Variants in MGA observed in about 807,000 individuals in gnomAD.
The protein encoded by MGA is MAX gene-associated protein.
Under a neutral mutation model 261.1 loss-of-function variants are expected in MGA, and 40 were observed. The observed-to-expected ratio is 0.15, with a 90% CI of 0.12 to 0.20. MGA has a LOEUF of 0.20. Ranked by LOEUF, MGA falls within the 10% of genes least tolerant of loss-of-function variation. The pLI is 1.00. For synonymous variants in MGA, 1,302 were observed against 1,290.6 expected (o/e 1.01, Z -0.19); for missense variants, 3,397 against 3,630.5 (o/e 0.94, Z 1.65).
intron 2 of MGA, among the ~76,000 whole-genome samples, chr15:41,678,230 A>T (rs755025408): frequency 6.6e-6 from 1 of 151,264 alleles, no homozygotes; most frequent in Non-Finnish European, 1.5e-5. Context: ...AGCTGGGATT[A>T]CAGGCGCTGG....
chr15:41,749,531 C>A lies in MGA; in HGVS notation c.5924C>A (p.Pro1975Gln), dbSNP rs1371559603. 6.2e-7 allele frequency: 1 copy of A among 1,613,870 alleles called. No homozygotes were observed. Among genetic ancestry groups the A allele is most frequent in the Non-Finnish European group, 8.5e-7 (1 of 1,179,880 alleles). The change falls in exon 17 of 24, where the codon CCA (proline) becomes CAA (glutamine). Residue 1975 changes from proline to glutamine, a missense_variant. Pro to Gln is a moderately conservative substitution (Grantham distance 76). Transcript: ENST00000219905. ...CAGATGAAGAGAGAATCTCAGAATC[C>A]AGACCAGAAAGATGAAACAAACTCA...
intron 5 of MGA, among the ~76,000 whole-genome samples, chr15:41,704,005 G>T (rs1036044564): frequency 6.6e-6 from 1 of 152,018 alleles, no homozygotes; most frequent in African/African-American, 2.4e-5. Flanking sequence ...TAGAGATGGG[G>T]TTTTGCCATG....
At chr15:41,746,469 C>T (rs1439143229) in intron 15 of MGA, among the ~76,000 whole-genome samples, 1 of 142,852 alleles carries the variant, frequency 7.0e-6, no homozygotes, top group Admixed American at 7.3e-5. Context: ...CGCTTGAACC[C>T]GGGAGGCGGA....
rs764400303 is a variant in MGA at position 41,766,685 on chromosome 15, C to T, written c.8603C>T (p.Pro2868Leu). Residue 2868 changes from proline to leucine, a missense_variant, in exon 24 of 24, where the codon CCT becomes CTT. By Grantham distance (98) the Pro-to-Leu change is moderately conservative. This residue lies in a region of MGA where 647 missense variants were observed against 642.4 expected (regional missense o/e 1.01). Transcript: ENST00000219905. ...CGGCGGGCTTTTATTAGTAAGGTTCCTCCTGGAAGCAGAGCAACTTTCCAG... is the reference window on the plus strand; with the variant it reads ...CGGCGGGCTTTTATTAGTAAGGTTCTTCCTGGAAGCAGAGCAACTTTCCAG... The T allele has an allele frequency of 3.1e-6, 5 of 1,614,004 alleles. No homozygotes were observed. The highest frequency in any genetic ancestry group is 4.2e-6 in the Non-Finnish European group (5 of 1,179,900).
intron 1 of MGA, among the ~76,000 whole-genome samples, chr15:41,664,219 T>C (rs963522017): frequency 3.3e-5 from 5 of 152,226 alleles, no homozygotes; most frequent in African/African-American, 1.2e-4. Context: ...TATATGCCTG[T>C]GCACAAAGTT....
rs1328915139 is a variant in MGA, at chr15:41,762,467, T to TG, written c.7744+105_7744+106insG. ...ACATTTTTAGTTTTGTGTGGTTTTT[T>TG]TTTTTTTTTTTTTTTTTTTTTTTTG... On this transcript the variant is annotated intron_variant, in intron 22 of 23. Transcript: ENST00000219905. The TG allele has an allele frequency of 2.0e-5, 10 of 510,486 alleles. No individual in the cohort carries two copies. The East Asian group carries it at 3.6e-4, about 19-fold the overall frequency. 31.6% of individuals were successfully genotyped at this position (510,486 alleles called of 1,614,324 possible).
chr15:41,639,605 C>T (rs957161736), intron 1 of MGA, among the ~76,000 whole-genome samples: 3 of 151,448 alleles, frequency 2.0e-5, no homozygotes, highest in African/African-American at 7.3e-5. Flanking sequence ...AGTGCAGTGG[C>T]GCAATCTCGG....
rs148663034 is a variant in MGA, at chr15:41,738,484, C to T, written c.4435-1569C>T. 1.2e-3 allele frequency among the ~76,000 whole-genome samples: 176 copies of T among 152,304 alleles called. 1 individual carries two copies. Among genetic ancestry groups the T allele is most frequent in the Non-Finnish European group, 1.3e-3 (86 of 68,018 alleles). The stretch of plus-strand genomic sequence containing the variant: ...TGTTGTGCATGCTATGTAAATGCTT[C>T]TGTTGATATTTCTTATACTCTTGAT... On this transcript the variant is annotated intron_variant, in intron 13 of 23. Transcript: ENST00000219905.
intron 2 of MGA, among the ~76,000 whole-genome samples, chr15:41,690,094 T>C (rs2151209010): frequency 6.6e-6 from 1 of 152,286 alleles, no homozygotes; most frequent in Admixed American, 6.5e-5. Flanking sequence ...CCATTTTCCC[T>C]CAACCACTCC....
At position 41,667,087 on chromosome 15, in the gene MGA, T is replaced by TA. The variant is rs534555502; in HGVS notation, c.-67-1734dup. The stretch of plus-strand genomic sequence containing the variant: ...CTTTGATTTTTGCCAGTCTGATAAG[T>TA]AAAAAAACAGTATCTCAAGATGACT... On this transcript the variant is annotated intron_variant, in intron 1 of 23. Transcript: ENST00000219905. 3.9e-5 allele frequency among the ~76,000 whole-genome samples: 6 copies of TA among 152,142 alleles called. No individual in the cohort carries two copies. The South Asian group carries it at 1.2e-3, about 31-fold the overall frequency.
chr15:41,762,771 CA>C (rs1463002777), intron 22 of MGA, among the ~76,000 whole-genome samples: 1 of 151,834 alleles, frequency 6.6e-6, no homozygotes, highest in Non-Finnish European at 1.5e-5. Context: ...ACCCAGCCCA[CA>C]GTTTTAGTTT....
At chr15:41,673,643 A>G (rs900468969) in intron 2 of MGA, among the ~76,000 whole-genome samples, 4 of 147,690 alleles carry the variant, frequency 2.7e-5, no homozygotes, top group Non-Finnish European at 4.5e-5. Context: ...CCTGGGTTCA[A>G]GTGATTCTCC....
chr15:41,657,428 A>C (rs1312091215), upstream of MGA, among the ~76,000 whole-genome samples: 1 of 138,934 alleles, frequency 7.2e-6, no homozygotes, highest in African/African-American at 2.8e-5. Context: ...ATCTCGGCTC[A>C]CTGCAACCTC....
rs376167385 is a variant in MGA at position 41,696,080 on chromosome 15, T to C, written c.1070T>C (p.Ile357Thr). ...TTTCTCCTCTCTCTCTCCAGTCTTA[T>C]TGCCAGCAGTTTTGAAGATGACTCC... The change falls in exon 3 of 24, where the codon ATT becomes ACT. Residue 357 changes from isoleucine (I) to threonine (T), a missense_variant. Physicochemically the swap from Ile to Thr is moderately conservative, Grantham distance 89 (BLOSUM62 -1). Coordinates refer to ENST00000219905, the MANE Select transcript of MGA (RefSeq NM_001164273.2). The C allele has an allele frequency of 1.7e-5, 28 of 1,605,620 alleles. No homozygotes were observed. Among genetic ancestry groups the C allele is most frequent in the Non-Finnish European group, 2.3e-5 (27 of 1,175,068 alleles).
chr15:41,684,263 T>C, intron 2 of MGA: 2 of 293,694 alleles, frequency 6.8e-6, no homozygotes, highest in South Asian at 3.0e-5. Context: ...AAAACTTTCT[T>C]AATGTGTCTT....
At chr15:41,689,646 A>C (rs955073586) in intron 2 of MGA, among the ~76,000 whole-genome samples, 4 of 150,494 alleles carry the variant, frequency 2.7e-5, no homozygotes, top group African/African-American at 9.8e-5. Context: ...GCTCACTGCA[A>C]CCTCTGCCTA....
In MGA at chr15:41,749,813, A is replaced by G; in HGVS notation, c.6206A>G (p.Tyr2069Cys). 1 of 1,613,992 alleles carries G rather than the reference A, an allele frequency of 6.2e-7. No individual in the cohort carries two copies. The highest frequency in any genetic ancestry group is 8.5e-7 in the Non-Finnish European group (1 of 1,179,892). The change falls in exon 17 of 24, where the codon TAT (tyrosine) becomes TGT (cysteine). Residue 2069 changes from tyrosine (Y) to cysteine (C), a missense_variant. Tyr to Cys is a radical substitution (Grantham distance 194, BLOSUM62 -2). This residue lies in a region of MGA where 1,410 missense variants were observed against 1,386.4 expected (regional missense o/e 1.02). Transcript: ENST00000219905. ...GATTATAAAGATGTTAATGAAGAAT[A>G]TGGGGCTAGGAATCGTAAGAGTTCC...
chr15:41,634,359 TGAG>T (rs1434807473), intron 1 of MGA, among the ~76,000 whole-genome samples: 1 of 152,174 alleles, frequency 6.6e-6, no homozygotes, highest in Non-Finnish European at 1.5e-5. Flanking sequence ...ATTTTGCAAA[TGAG>T]GAAACTAAAG....
chr15:41,746,240 A>T (rs2151890819), intron 15 of MGA, among the ~76,000 whole-genome samples: 2 of 152,292 alleles, frequency 1.3e-5, no homozygotes, highest in African/African-American at 4.8e-5. Flanking sequence ...TTGTTTCTTA[A>T]TTCACGTAAG....
Sources: gnomAD v4.1 joint callset for allele counts (sites outside exome capture counted in the v4.1 genomes callset) on GRCh38, gnomAD v4.1.1 for gene constraint, gnomAD v4.1.1 regional missense constraint, MANE v1.5 for transcripts, NCBI Gene and HGNC (gene_info 2026-07-23, HGNC 2026-07-21) for gene names.